Variants in SHANK2 observed in about 807,000 individuals in gnomAD.
SHANK2 encodes the protein SH3 and multiple ankyrin repeat domains 2.
Under a neutral mutation model 133.7 loss-of-function variants are expected in SHANK2, and 43 were observed. The ratio of observed to expected loss-of-function variants is 0.32; its 90% CI spans 0.25 to 0.41. The LOEUF is 0.41. Ranked by LOEUF, SHANK2 falls within the 10% of genes least tolerant of loss-of-function variation. The pLI is 1.00. For missense variants in SHANK2, 1,994 were observed against 2,235.8 expected (o/e 0.89, Z 2.18); for synonymous variants, 1,017 against 952.8 (o/e 1.07, Z -1.24).
At chr11:70,525,113 T>G (rs2059379399) in intron 17 of SHANK2, among the ~76,000 whole-genome samples, 1 of 152,192 alleles carries the variant, frequency 6.6e-6, no homozygotes, top group African/African-American at 2.4e-5. Flanking sequence ...ACACTTACAG[T>G]ACCCATGGCA....
At chr11:70,474,919 G>C (rs189263945) in intron 25 of SHANK2, 1 of 152,312 alleles carries the variant, frequency 6.6e-6, no homozygotes, top group Non-Finnish European at 1.5e-5. Flanking sequence ...CCTGGGTGGA[G>C]GGGCTCTGGA....
At chr11:70,936,392 G>C (rs960747308) in intron 10 of SHANK2, among the ~76,000 whole-genome samples, 8 of 152,062 alleles carry the variant, frequency 5.3e-5, no homozygotes, top group African/African-American at 1.9e-4. Context: ...CGTGCCTGTA[G>C]TCCCAGCTAC....
At chr11:71,178,615 G>A (rs1017468502) in intron 2 of SHANK2, among the ~76,000 whole-genome samples, 4 of 152,144 alleles carry the variant, frequency 2.6e-5, no homozygotes, top group Non-Finnish European at 5.9e-5. Flanking sequence ...AATTTAAAAA[G>A]TCTTTAAAAA....
At chr11:70,490,930 G>A (rs2058878549) in intron 22 of SHANK2, among the ~76,000 whole-genome samples, 1 of 152,234 alleles carries the variant, frequency 6.6e-6, no homozygotes, top group Non-Finnish European at 1.5e-5. Context: ...TGATGTGCCA[G>A]CTAGCTTAAG....
chr11:70,775,808 G>A (rs916238674), intron 14 of SHANK2, among the ~76,000 whole-genome samples: 2 of 152,224 alleles, frequency 1.3e-5, no homozygotes, highest in African/African-American at 4.8e-5. Flanking sequence ...TGCAAATGTG[G>A]AGGTTTCATC....
chr11:70,507,795 G>C (rs965240621), intron 17 of SHANK2, among the ~76,000 whole-genome samples: 2 of 152,190 alleles, frequency 1.3e-5, no homozygotes, highest in East Asian at 3.8e-4. Context: ...TGAAGAGCCA[G>C]TTCCAGCACC....
chr11:70,886,951 G>C (rs1733327495), intron 11 of SHANK2, among the ~76,000 whole-genome samples: 1 of 152,160 alleles, frequency 6.6e-6, no homozygotes, highest in African/African-American at 2.4e-5. Flanking sequence ...GGAAGGACAA[G>C]ATGTATGAAA....
intron 11 of SHANK2, among the ~76,000 whole-genome samples, chr11:70,844,821 C>T (rs1409363752): frequency 2.6e-5 from 4 of 152,164 alleles, no homozygotes; most frequent in Non-Finnish European, 5.9e-5. Flanking sequence ...GCCCCCATGG[C>T]CCTGGGCACG....
chr11:70,771,629 C>G (rs1397383464), intron 14 of SHANK2, among the ~76,000 whole-genome samples: 1 of 152,124 alleles, frequency 6.6e-6, no homozygotes, highest in African/African-American at 2.4e-5. Context: ...TCACCCAAGC[C>G]ACCTGGAGGA....
chr11:70,874,483 C>T (rs1035608723), intron 11 of SHANK2, among the ~76,000 whole-genome samples: 1 of 152,140 alleles, frequency 6.6e-6, no homozygotes, highest in Admixed American at 6.5e-5. Context: ...GCTGGAACTA[C>T]AGGCACATGC....
rs538146018 is a variant in SHANK2 at position 70,811,042 on chromosome 11, T to A, written c.1494-3871A>T. 5.3e-5 allele frequency among the ~76,000 whole-genome samples: 8 copies of A among 152,156 alleles called. No homozygotes were observed. The East Asian group carries it at 1.5e-3, about 29-fold the overall frequency. ...GGCTGCATGGATGCTCTTCAGCAGG[T>A]GGAGTGGCTGCAGGTCAGGTCAGCC... On this transcript the variant is annotated intron_variant, in intron 12 of 25. Transcript: ENST00000601538.
intron 15 of SHANK2, among the ~76,000 whole-genome samples, chr11:70,662,518 G>A (rs1944586011): frequency 6.6e-6 from 1 of 152,204 alleles, no homozygotes; most frequent in African/African-American, 2.4e-5. Flanking sequence ...GGTCGGGGAG[G>A]GGTGGGGGCT....
chr11:71,117,376 T>C (rs540410489), intron 4 of SHANK2, among the ~76,000 whole-genome samples: 1 of 152,308 alleles, frequency 6.6e-6, no homozygotes, highest in South Asian at 2.1e-4. Flanking sequence ...TGATGTAATT[T>C]AAAAATTCCT....
At chr11:71,212,667 G>C (rs1323614067) in intron 2 of SHANK2, among the ~76,000 whole-genome samples, 1 of 152,192 alleles carries the variant, frequency 6.6e-6, no homozygotes, top group African/African-American at 2.4e-5. Context: ...ACACAATCCT[G>C]TTCCCTGGAT....
chr11:71,059,043 C>G lies in SHANK2; in HGVS notation c.1030-2485G>C, dbSNP rs1000922837. On this transcript the variant is annotated intron_variant, in intron 9 of 25. Transcript: ENST00000601538. ...CAGCCTGGCAACAACATGGTGAAAC[C>G]TTGTCTCTACCAAAAATACAAAACT... Among the ~76,000 whole-genome samples the G allele has an allele frequency of 9.1e-3, 1,380 of 152,276 alleles. 18 individuals are homozygous for G. Among genetic ancestry groups the G allele is most frequent in the African/African-American group, 0.031 (1,289 of 41,548 alleles).
At chr11:71,134,553 C>A (rs1555104412) in intron 3 of SHANK2, among the ~76,000 whole-genome samples, 1 of 151,622 alleles carries the variant, frequency 6.6e-6, no homozygotes, top group East Asian at 2.0e-4. Context: ...AATTCTCCTG[C>A]CTCAGCCTCC....
chr11:70,845,349 T>C (rs572687687), intron 11 of SHANK2, among the ~76,000 whole-genome samples: 1 of 151,940 alleles, frequency 6.6e-6, no homozygotes, highest in East Asian at 1.9e-4. Context: ...AGGGGAGACA[T>C]AATTTCACGC....
intron 14 of SHANK2, among the ~76,000 whole-genome samples, chr11:70,761,601 C>T (rs1486568242): frequency 6.6e-6 from 1 of 152,238 alleles, no homozygotes; most frequent in African/African-American, 2.4e-5. Context: ...GGAGAAGACT[C>T]TGAAACACTC....
intron 17 of SHANK2, among the ~76,000 whole-genome samples, chr11:70,636,536 C>A (rs1555004141): frequency 7.3e-6 from 1 of 137,124 alleles, no homozygotes; most frequent in Non-Finnish European, 1.5e-5. Flanking sequence ...TATGTGTGAG[C>A]ATGTGTGAAT....
Sources: gnomAD v4.1 joint callset for allele counts (sites outside exome capture counted in the v4.1 genomes callset) on GRCh38, gnomAD v4.1.1 for gene constraint, MANE v1.5 for transcripts, NCBI Gene and HGNC (gene_info 2026-07-23, HGNC 2026-07-21) for gene names.